The following BAX variants were observed in gnomAD, a reference collection of about 807,000 sequenced individuals.
BAX encodes the protein BCL2 associated X, apoptosis regulator, also known as apoptosis regulator BAX.
Under a neutral mutation model 26.8 loss-of-function variants are expected in BAX, and 21 were observed. The observed-to-expected ratio is 0.78, with a 90% confidence interval of 0.56 to 1.13. The LOEUF is 1.13. Ranked by LOEUF, BAX falls within the 50% of genes most tolerant of loss-of-function variation. BAX has a pLI of 0.00. For synonymous variants in BAX, 110 were observed against 101.8 expected (o/e 1.08, Z -0.49); for missense variants, 236 against 254.6 (o/e 0.93, Z 0.50).
At chr19:48,960,525 G>A (rs190720178) in intron 4 of BAX, among the ~76,000 whole-genome samples, 4 of 152,164 alleles carry the variant, frequency 2.6e-5, no homozygotes, top group East Asian at 1.9e-4. Context: ...CACCACGCCC[G>A]GCTAATTTTG....
intron 5 of BAX, 46 bp from the exon 6 acceptor site, chr19:48,961,485 GC>G: frequency 1.3e-6 from 2 of 1,504,080 alleles, no homozygotes; most frequent in Non-Finnish European, 1.8e-6. Context: ...CTGCCCAGGG[GC>G]TGCCCCTGGC....
chr19:48,956,082 C>T, intron 3 of BAX, 116 bp from the exon 4 acceptor site: 1 of 1,357,458 alleles, frequency 7.4e-7, no homozygotes, highest in Admixed American at 2.7e-5. Flanking sequence ...TGTTGCTTTT[C>T]ATTTCAGCCT....
chr19:48,954,980 C>A lies in BAX; in HGVS notation c.34+18C>A. 1 of 1,215,342 alleles carries A rather than the reference C, an allele frequency of 8.2e-7. No individual in the cohort carries two copies. Among genetic ancestry groups the A allele is most frequent in the East Asian group, 3.3e-5 (1 of 30,678 alleles). 75.3% of individuals were successfully genotyped at this position (1,215,342 alleles called of 1,614,324 possible). A position where few individuals can be genotyped will look rare whatever the true frequency, so the allele number is the denominator to read the frequency against. Reference sequence around the variant, plus strand: ...AGGCGGGGGTGAGGCGGGAGGCAGACGGGCGGGAGGAGGGCGAGCCCCCTC... The same window carrying A: ...AGGCGGGGGTGAGGCGGGAGGCAGAAGGGCGGGAGGAGGGCGAGCCCCCTC... On this transcript the variant is annotated intron_variant, in intron 1 of 5. Transcript: ENST00000345358.
chr19:48,956,375 C>G lies in BAX; in HGVS notation c.369+42C>G, dbSNP rs1051627684. 70 of 1,483,462 alleles carry G rather than the reference C, an allele frequency of 4.7e-5. No homozygotes were observed. The Middle Eastern group carries it at 5.4e-4, about 12-fold the overall frequency. The allele number at this position is 1,483,462 out of a possible 1,614,324, so 91.9% of individuals were successfully genotyped here. On this transcript the variant is annotated intron_variant, in intron 4 of 5. Coordinates refer to ENST00000345358, the MANE Select transcript of BAX (RefSeq NM_138761.4). ...CAGTGAGCCCAGGGATGCTCCCCCT[C>G]AGATCTGTGAGGACCTGGGGATCGT...
At chr19:48,959,404 C>G (rs1226993806) in intron 4 of BAX, among the ~76,000 whole-genome samples, 1 of 149,596 alleles carries the variant, frequency 6.7e-6, no homozygotes, top group Non-Finnish European at 1.5e-5. Context: ...GACATTTGCC[C>G]TGAGAGCTGA....
Position 48,960,652 on chromosome 19 carries a change from C to T in BAX, c.370-158C>T, listed in dbSNP as rs369929566. ...TGCTGGGATTACAGGCATGAGCCGC[C>T]GCACCTGGCCATGTTTACAATTTTT... is the stretch of plus-strand genomic sequence containing the variant. On this transcript the variant is annotated intron_variant, in intron 4 of 5. Transcript: ENST00000345358. 3.9e-5 allele frequency among the ~76,000 whole-genome samples: 6 copies of T among 152,326 alleles called. No homozygotes were observed. The East Asian group carries it at 5.8e-4, about 15-fold the overall frequency.
At chr19:48,958,323 G>C (rs962598169) in intron 4 of BAX, among the ~76,000 whole-genome samples, 1 of 150,162 alleles carries the variant, frequency 6.7e-6, no homozygotes, top group African/African-American at 2.5e-5. Context: ...CTCCAACAGG[G>C]AGGGATATTT....
At chr19:48,960,594 C>T (rs2038317566) in intron 4 of BAX, among the ~76,000 whole-genome samples, 1 of 152,160 alleles carries the variant, frequency 6.6e-6, no homozygotes, top group Non-Finnish European at 1.5e-5. Context: ...AACTCCCGAC[C>T]TCAAGTGATC....
At chr19:48,959,512 TAAA>T (rs199697807) in intron 4 of BAX, among the ~76,000 whole-genome samples, 8 of 131,648 alleles carry the variant, frequency 6.1e-5, no homozygotes, top group African/African-American at 1.4e-4. Context: ...TTTAAAAAAT[TAAA>T]AAAAAAAAAA....
chr19:48,955,373 G>C (rs942966636), intron 1 of BAX, 175 bp from the exon 2 acceptor site: 11 of 668,722 alleles, frequency 1.6e-5, no homozygotes, highest in Non-Finnish European at 2.4e-5. Context: ...CAGCCTCCTG[G>C]CCTTTCTCCA....
chr19:48,961,729 A>G lies in BAX; in HGVS notation c.*93A>G. 1.0e-6 allele frequency: 1 copy of G among 977,722 alleles called. No homozygotes were observed. Among genetic ancestry groups the G allele is most frequent in the East Asian group, 3.5e-5 (1 of 28,810 alleles). The allele number at this position is 977,722 out of a possible 1,614,324, so 60.6% of individuals were successfully genotyped here. On this transcript the variant is annotated 3_prime_UTR_variant, in exon 6 of 6. Transcript: ENST00000345358. ...ATTGGGGGACGTGGGCATTTTTCTT[A>G]CTTTTGTAATTATTGGGGGGTGTGG...
At position 48,956,993 on chromosome 19, in the gene BAX, G is replaced by T. The variant is rs1600104804; in HGVS notation, c.369+660G>T. Among the ~76,000 whole-genome samples, 2 of 148,520 alleles carry T rather than the reference G, an allele frequency of 1.3e-5. 1 individual carries two copies. The highest frequency in any genetic ancestry group is 4.2e-4 in the East Asian group (2 of 4,750). ...AGCCAGGAAAGACTTCTAAGGGCAG[G>T]TGACATCAAAGAGCAGGTGACATTA... On this transcript the variant is annotated intron_variant, in intron 4 of 5. Transcript: ENST00000345358.
intron 4 of BAX, 70 bp downstream of exon 4, chr19:48,956,403 T>C: frequency 6.9e-7 from 1 of 1,440,298 alleles, no homozygotes; most frequent in Non-Finnish European, 9.2e-7. Context: ...GGGATCGTGG[T>C]ATCAACCCCC....
intron 5 of BAX, chr19:48,961,263 T>TTC: frequency 7.1e-7 from 1 of 1,405,410 alleles, no homozygotes; most frequent in Non-Finnish European, 9.3e-7. Flanking sequence ...TTTTTTTTTT[T>TTC]CCCCACTGAG....
At position 48,955,678 on chromosome 19, in the gene BAX, C is replaced by T. The variant is rs1393137261; in HGVS notation, c.87-9C>T. On this transcript the variant is annotated splice_polypyrimidine_tract_variant and intron_variant, in intron 2 of 5. Transcript: ENST00000345358. ...CTGATTCTGCACCCTCACTCCATCC[C>T]CACTCTAGTTTCATCCAGGATCGAG... 1 of 1,611,944 alleles carries T rather than the reference C, an allele frequency of 6.2e-7. No homozygotes were observed. The highest frequency in any genetic ancestry group is 8.5e-7 in the Non-Finnish European group (1 of 1,178,646).
intron 4 of BAX, among the ~76,000 whole-genome samples, chr19:48,959,349 CAAAAA>C (rs71179067): frequency 1.8e-4 from 13 of 73,034 alleles, no homozygotes; most frequent in African/African-American, 5.8e-4. Flanking sequence ...GACTCCGTCT[CAAAAA>C]AAAAAAAAAA....
intron 4 of BAX, 37 bp from the exon 5 acceptor site, chr19:48,960,773 A>T (rs1405069026): frequency 6.5e-7 from 1 of 1,526,912 alleles, no homozygotes; most frequent in Non-Finnish European, 9.0e-7. Flanking sequence ...CAGTGGGGAC[A>T]AGGTTCAGTC....
At chr19:48,961,247 T>G in intron 5 of BAX, 1 of 1,435,564 alleles carries the variant, frequency 7.0e-7, no homozygotes, top group East Asian at 2.5e-5. Flanking sequence ...CCCTAGCTCT[T>G]TCCTTTTTTT....
At chr19:48,959,451 G>A (rs7255559) in intron 4 of BAX, among the ~76,000 whole-genome samples, 69,819 of 147,478 alleles carry the variant, frequency 0.47, 17,195 homozygotes, top group East Asian at 0.68. Flanking sequence ...CTGTTTAGGC[G>A]GAAACAGGAG....
Sources: allele counts gnomAD v4.1 joint callset (sites outside exome capture counted in the v4.1 genomes callset), GRCh38; gene constraint gnomAD v4.1.1; transcripts MANE v1.5; gene names NCBI Gene and HGNC (gene_info 2026-07-23, HGNC 2026-07-21).